Variants in PCNX1 observed in about 807,000 individuals in gnomAD.
PCNX1 encodes the protein pecanex-like protein 1.
A neutral mutation model predicts 242.2 loss-of-function variants in PCNX1; 78 were observed. The ratio of observed to expected loss-of-function variants is 0.32; its 90% CI spans 0.27 to 0.39. The LOEUF is 0.39. Among genes scored for constraint, PCNX1 ranks in the 10% least tolerant of loss-of-function variants. The pLI is 1.00. For synonymous variants in PCNX1, 1,024 were observed against 1,032.9 expected, an observed-to-expected ratio of 0.99 and a Z score of 0.17; for missense variants, 2,581 against 2,856.5, an observed-to-expected ratio of 0.90 and a Z score of 2.20.
At position 71,033,457 on chromosome 14, in the gene PCNX1, T is replaced by G; in HGVS notation, c.3587T>G (p.Val1196Gly). The G allele has an allele frequency of 6.2e-7, 1 of 1,606,154 alleles. No homozygotes were observed. The highest frequency in any genetic ancestry group is 8.5e-7 in the Non-Finnish European group (1 of 1,173,148). Residue 1196 changes from valine to glycine, a missense_variant, in exon 17 of 36, where the codon GTA becomes GGA. Transcript: ENST00000304743. The part of the protein sequence containing the change: ...KDSWDGQHIP[V>G]LFSIFCGLLV... ...TCTTGGGATGGCCAGCATATTCCAG[T>G]ACTTTTCTCCATTTTTTGTGGTTTA...
chr14:71,080,062 A>G (rs907326818), intron 28 of PCNX1, among the ~76,000 whole-genome samples: 8 of 152,178 alleles, frequency 5.3e-5, no homozygotes, highest in African/African-American at 1.9e-4. Flanking sequence ...GGTGTAAGGA[A>G]GGGGTCCAGT....
At chr14:71,045,323 A>G (rs1228745590) in intron 20 of PCNX1, 40 bp downstream of exon 20, 1 of 1,411,914 alleles carries the variant, frequency 7.1e-7, no homozygotes, top group East Asian at 2.3e-5. Context: ...TAATACTATG[A>G]GTTTTTCCCT....
At chr14:70,986,446 C>CA (rs545420631) in intron 6 of PCNX1, among the ~76,000 whole-genome samples, 14 of 151,708 alleles carry the variant, frequency 9.2e-5, no homozygotes, top group Admixed American at 2.6e-4. Flanking sequence ...GTATTACTAG[C>CA]AAAAAAAATT....
chr14:71,015,941 TC>T (rs1427225193), intron 11 of PCNX1, among the ~76,000 whole-genome samples: 1 of 151,924 alleles, frequency 6.6e-6, no homozygotes, highest in East Asian at 1.9e-4. Context: ...GCCTGTGATC[TC>T]AGCACTTTGG....
At chr14:71,030,520 C>T (rs534090183) in intron 16 of PCNX1, among the ~76,000 whole-genome samples, 5 of 152,232 alleles carry the variant, frequency 3.3e-5, no homozygotes, top group African/African-American at 7.2e-5. Flanking sequence ...GCCATTTGCA[C>T]GGAGGCACCT....
Position 70,977,263 on chromosome 14 carries a change from G to T in PCNX1, c.926G>T (p.Gly309Val). ...NDFPLYQQRR[G>V]LDPVSELESS... is the part of the protein sequence containing the mutation. ...TTTCCCCTTTATCAGCAAAGACGTG[G>T]ATTAGATCCAGTTAGTGAGTTAGAA... Residue 309 changes from glycine to valine, a missense_variant, in exon 6 of 36, where the codon GGA becomes GTA. Transcript: ENST00000304743. 1 of 1,614,176 alleles carries T rather than the reference G, an allele frequency of 6.2e-7. No individual in the cohort carries two copies. The highest frequency in any genetic ancestry group is 2.2e-5 in the East Asian group (1 of 44,888).
chr14:71,065,659 C>T (rs1166377462), intron 26 of PCNX1, among the ~76,000 whole-genome samples: 1 of 152,174 alleles, frequency 6.6e-6, no homozygotes, highest in Non-Finnish European at 1.5e-5. Flanking sequence ...GTTGCCATTG[C>T]TGTTGGTGTT....
At chr14:70,999,801 G>C (rs779502905) in intron 8 of PCNX1, among the ~76,000 whole-genome samples, 12 of 152,134 alleles carry the variant, frequency 7.9e-5, no homozygotes, top group Non-Finnish European at 1.5e-4. Flanking sequence ...AAAAAGCAGA[G>C]ACTCAGGTGA....
Position 70,962,312 on chromosome 14 carries a change from G to T in PCNX1, c.449G>T (p.Gly150Val), listed in dbSNP as rs762475965. The T allele has an allele frequency of 2.5e-6, 4 of 1,611,422 alleles. No individual in the cohort carries two copies. Among genetic ancestry groups the T allele is most frequent in the Non-Finnish European group, 2.5e-6 (3 of 1,177,688 alleles). ...VGCSSRNSYA[G>V]LDPSNQIGSG... ...TGCAGTTCCAGAAATTCTTATGCCG[G>T]TCTAGATCCAAGCAACCAGGTAGGA... Residue 150 changes from glycine to valine, a missense_variant, in exon 3 of 36, where the codon GGT becomes GTT. By Grantham distance (109) the Gly-to-Val change is moderately radical. Coordinates refer to ENST00000304743, the MANE Select transcript of PCNX1 (RefSeq NM_014982.3).
At chr14:70,910,921 A>G (rs947898322) in intron 1 of PCNX1, among the ~76,000 whole-genome samples, 1 of 152,204 alleles carries the variant, frequency 6.6e-6, no homozygotes, top group Non-Finnish European at 1.5e-5. Flanking sequence ...GGAAAGGGTA[A>G]GTAAAGAGGG....
chr14:70,984,105 G>A (rs1035477764), intron 6 of PCNX1, among the ~76,000 whole-genome samples: 3 of 150,964 alleles, frequency 2.0e-5, no homozygotes, highest in Non-Finnish European at 4.4e-5. Context: ...TCATACTTTT[G>A]TCATCTTTCT....
At chr14:70,982,589 C>G (rs540376125) in intron 6 of PCNX1, among the ~76,000 whole-genome samples, 1 of 152,136 alleles carries the variant, frequency 6.6e-6, no homozygotes, top group Admixed American at 6.6e-5. Context: ...AAAGCTTAGA[C>G]ATATATAAAA....
At chr14:71,102,284 T>A in intron 31 of PCNX1, 64 bp downstream of exon 31, 1 of 1,310,436 alleles carries the variant, frequency 7.6e-7, no homozygotes, top group Non-Finnish European at 1.1e-6. Context: ...TCTAAAATTT[T>A]TTTTTTTTGA....
intron 7 of PCNX1, 130 bp downstream of exon 7, chr14:70,988,829 A>T: frequency 8.6e-7 from 1 of 1,161,410 alleles, no homozygotes; most frequent in South Asian, 1.5e-5. Context: ...CTATACATTT[A>T]AGCCCTTTTT....
intron 1 of PCNX1, among the ~76,000 whole-genome samples, chr14:70,921,255 AGACCCTCAT>A (rs1183515016): frequency 7.9e-5 from 12 of 152,182 alleles, no homozygotes; most frequent in African/African-American, 1.4e-4. Flanking sequence ...CAAGCCTCAC[AGACCCTCAT>A]GACCCTCATG....
intron 34 of PCNX1, 35 bp downstream of exon 34, chr14:71,109,081 T>G (rs769376704): frequency 2.1e-4 from 321 of 1,508,808 alleles, no homozygotes; most frequent in Non-Finnish European, 2.2e-4. Context: ...GTGCTGTTTT[T>G]GTTACTTATT....
rs78929158 is a variant in PCNX1 at position 71,007,513 on chromosome 14, T to C, written c.2630-2121T>C. Among the ~76,000 whole-genome samples, 333 of 152,296 alleles carry C rather than the reference T, an allele frequency of 2.2e-3. 1 individual carries two copies. Among genetic ancestry groups the C allele is most frequent in the African/African-American group, 7.8e-3 (325 of 41,588 alleles). ...TCTAAAATATGTATAAATTATGTTA[T>C]GACAATACATTTATGCATTCTGTTC... On this transcript the variant is annotated intron_variant, in intron 8 of 35. Coordinates refer to ENST00000304743, the MANE Select transcript of PCNX1 (RefSeq NM_014982.3).
At chr14:71,012,727 G>A (rs958199481) in intron 10 of PCNX1, 3 of 383,786 alleles carry the variant, frequency 7.8e-6, no homozygotes, top group Non-Finnish European at 1.4e-5. Context: ...CAGCTGCTTG[G>A]GAGGCTGAGG....
At chr14:70,956,528 C>T (rs1441203897) in intron 2 of PCNX1, among the ~76,000 whole-genome samples, 1 of 152,066 alleles carries the variant, frequency 6.6e-6, no homozygotes, top group Non-Finnish European at 1.5e-5. Context: ...CACTGCACCC[C>T]AGCCTGGCTG....
Sources: gnomAD v4.1 joint callset for allele counts (sites outside exome capture counted in the v4.1 genomes callset) on GRCh38, gnomAD v4.1.1 for gene constraint, MANE v1.5 for transcripts, NCBI Gene and HGNC (gene_info 2026-07-23, HGNC 2026-07-21) for gene names.